Variants in UGT1A6 observed in about 807,000 individuals in gnomAD.
UGT1A6 encodes the protein UDP glucuronosyltransferase family 1 member A6.
Under a neutral mutation model 44.4 loss-of-function variants are expected in UGT1A6, and 32 were observed. That is an observed-to-expected ratio of 0.72 (90% CI 0.54 to 0.97). UGT1A6 has a LOEUF of 0.97. Among genes scored for constraint, UGT1A6 ranks in the 50% least tolerant of loss-of-function variants. The probability of loss-of-function intolerance (pLI) is 0.00; values close to 1 mark genes in which losing one functional copy is unlikely to be tolerated. For missense variants in UGT1A6, 685 were observed against 661.9 expected (o/e 1.03, Z -0.38); for synonymous variants, 238 against 248.5 (o/e 0.96, Z 0.40).
chr2:233,760,894 C>A, intron 1 of UGT1A6: 1 of 1,614,174 alleles, frequency 6.2e-7, no homozygotes, highest in Non-Finnish European at 8.5e-7. Context: ...TCATTCAGAT[C>A]ACATGACCTT....
chr2:233,727,966 G>A (rs1025938754), intron 1 of UGT1A6, among the ~76,000 whole-genome samples: 37 of 152,228 alleles, frequency 2.4e-4, no homozygotes, highest in African/African-American at 8.2e-4. Context: ...TCATCCTGAG[G>A]TGACCAGGAC....
chr2:233,693,458 G>A lies in UGT1A6; in HGVS notation c.454G>A (p.Ala152Thr). ...GTTTGATGCTCTTTTCACAGACCCAGCCTTACCCTGTGGGGTGATCCTGGC... is the reference window on the plus strand; with the variant it reads ...GTTTGATGCTCTTTTCACAGACCCAACCTTACCCTGTGGGGTGATCCTGGC... ...SKFDALFTDP[A>T]LPCGVILAEY... Residue 152 changes from alanine (A) to threonine (T), a missense_variant, in exon 1 of 5, where the codon GCC (alanine) becomes ACC (threonine). Coordinates refer to ENST00000305139, the MANE Select transcript of UGT1A6 (RefSeq NM_001072.4). The A allele has an allele frequency of 6.2e-7, 1 of 1,614,092 alleles. No individual in the cohort carries two copies. The highest frequency in any genetic ancestry group is 8.5e-7 in the Non-Finnish European group (1 of 1,180,020).
chr2:233,771,766 C>T (rs1025155606), intron 4 of UGT1A6, among the ~76,000 whole-genome samples: 1 of 151,968 alleles, frequency 6.6e-6, no homozygotes, highest in African/African-American at 2.4e-5. Context: ...CTTCCTCCGT[C>T]CCTCTCTCCT....
chr2:233,767,714 TCA>T (rs1424650372), intron 2 of UGT1A6, 133 bp from the exon 3 acceptor site: 27 of 1,536,346 alleles, frequency 1.8e-5, no homozygotes, highest in Non-Finnish European at 2.3e-5. Flanking sequence ...TCAGAAGCCT[TCA>T]CAGTTACTGA....
intron 1 of UGT1A6, among the ~76,000 whole-genome samples, chr2:233,715,522 A>G (rs1320173957): frequency 1.3e-5 from 2 of 152,172 alleles, no homozygotes; most frequent in Admixed American, 6.5e-5. Context: ...CTGTAATTTC[A>G]GCCCTTTGGG....
chr2:233,718,804 C>T (rs748979755), intron 1 of UGT1A6: 52 of 1,613,118 alleles, frequency 3.2e-5, no homozygotes, highest in African/African-American at 4.0e-5. Context: ...AGTCAGCTGT[C>T]GGTGGCTTCT....
intron 1 of UGT1A6, chr2:233,753,711 A>G (rs577048191): frequency 6.6e-6 from 1 of 152,346 alleles, no homozygotes; most frequent in East Asian, 1.9e-4. Context: ...GGCTTTCATC[A>G]ACCTAATTTG....
At chr2:233,700,961 C>T (rs867689514) in intron 1 of UGT1A6, among the ~76,000 whole-genome samples, 2 of 151,736 alleles carry the variant, frequency 1.3e-5, no homozygotes, top group Non-Finnish European at 2.9e-5. Context: ...TGAGTGAGAA[C>T]ATGCGGTGTT....
intron 1 of UGT1A6, among the ~76,000 whole-genome samples, chr2:233,758,958 A>G (rs936812045): frequency 2.0e-5 from 3 of 152,152 alleles, no homozygotes; most frequent in Non-Finnish European, 4.4e-5. Flanking sequence ...AATTTCCCCA[A>G]ATGCCTTTCC....
At chr2:233,708,628 G>C (rs985761957) in intron 1 of UGT1A6, 8 of 152,152 alleles carry the variant, frequency 5.3e-5, no homozygotes, top group Non-Finnish European at 1.2e-4. Context: ...GCGTGTGCCT[G>C]TAGACCTAAC....
chr2:233,723,945 C>G (rs1475718921), intron 1 of UGT1A6, among the ~76,000 whole-genome samples: 64 of 52,096 alleles, frequency 1.2e-3, no homozygotes, highest in Non-Finnish European at 1.5e-3. Flanking sequence ...TACACAGACA[C>G]GGCAACCATC....
intron 1 of UGT1A6, among the ~76,000 whole-genome samples, chr2:233,714,456 G>T (rs1216186200): frequency 6.6e-6 from 1 of 152,164 alleles, no homozygotes; most frequent in Non-Finnish European, 1.5e-5. Flanking sequence ...GAGAGGGAGT[G>T]TTGGATTGTA....
At chr2:233,756,948 G>A (rs530775201) in intron 1 of UGT1A6, among the ~76,000 whole-genome samples, 1 of 152,072 alleles carries the variant, frequency 6.6e-6, no homozygotes, top group African/African-American at 2.4e-5. Flanking sequence ...CCTGAAACCC[G>A]GACTTGGCAC....
intron 1 of UGT1A6, among the ~76,000 whole-genome samples, chr2:233,735,339 T>TG (rs1286077352): frequency 6.6e-6 from 1 of 151,862 alleles, no homozygotes; most frequent in African/African-American, 2.4e-5. Flanking sequence ...AACCCCTGCT[T>TG]TTTTTTTGCT....
chr2:233,693,817 G>A lies in UGT1A6; in HGVS notation c.813G>A (p.Met271Ile), dbSNP rs1367141196. The A allele has an allele frequency of 6.2e-7, 1 of 1,614,142 alleles. No individual in the cohort carries two copies. The highest frequency in any genetic ancestry group is 8.5e-7 in the Non-Finnish European group (1 of 1,180,026). Reference protein sequence around the residue: ...LEYPRPVMPNMVFIGGINCKK... With the variant: ...LEYPRPVMPNIVFIGGINCKK... ...ATCCTAGGCCGGTCATGCCCAACAT[G>A]GTCTTCATTGGAGGTATCAACTGTA... The change falls in exon 1 of 5, where the codon ATG (methionine) becomes ATA (isoleucine). Residue 271 changes from methionine (M) to isoleucine (I), a missense_variant. Coordinates refer to ENST00000305139, the MANE Select transcript of UGT1A6 (RefSeq NM_001072.4).
At chr2:233,760,450 C>T (rs1218272105) in intron 1 of UGT1A6, 1 of 1,614,084 alleles carries the variant, frequency 6.2e-7, no homozygotes, top group East Asian at 2.2e-5. Context: ...GCAGAGGGGA[C>T]ATGAAATAGT....
intron 1 of UGT1A6, among the ~76,000 whole-genome samples, chr2:233,698,018 A>G (rs576535829): frequency 6.6e-6 from 1 of 152,290 alleles, no homozygotes; most frequent in South Asian, 2.1e-4. Flanking sequence ...GCACATTGGT[A>G]CCAATTATCT....
intron 1 of UGT1A6, among the ~76,000 whole-genome samples, chr2:233,764,553 G>A (rs1698592090): frequency 1.3e-5 from 2 of 152,198 alleles, no homozygotes; most frequent in South Asian, 4.1e-4. Flanking sequence ...GTGTGGGAGG[G>A]TGTGCCTGGA....
Position 233,760,681 on chromosome 2 carries a change from C to A in UGT1A6, c.862-6353C>A, listed in dbSNP as rs769242961. The A allele has an allele frequency of 2.5e-6, 4 of 1,614,246 alleles. No homozygotes were observed. In the South Asian group the frequency reaches 4.4e-5, roughly 18 times the overall value. On this transcript the variant is annotated intron_variant, in intron 1 of 4. Transcript: ENST00000305139. ...TTTGTCTGGCTGTTCCCACTTACTG[C>A]ACAACAAGGAGCTCATGGCCTCCCT... is the stretch of plus-strand genomic sequence containing the variant.
Sources: gnomAD v4.1 joint callset for allele counts (sites outside exome capture counted in the v4.1 genomes callset) on GRCh38, gnomAD v4.1.1 for gene constraint, MANE v1.5 for transcripts, NCBI Gene and HGNC (gene_info 2026-07-23, HGNC 2026-07-21) for gene names.